Variants in DSCAM observed in about 807,000 individuals in gnomAD.
DSCAM encodes the protein cell adhesion molecule DSCAM.
In DSCAM, 47 loss-of-function variants were observed where a neutral mutation model predicts 217.7. The observed-to-expected ratio is 0.22, with a 90% CI of 0.17 to 0.28. The LOEUF (loss-of-function observed/expected upper bound fraction) is 0.28. Among genes scored for constraint, DSCAM ranks in the 10% least tolerant of loss-of-function variants. The probability of loss-of-function intolerance (pLI) is 1.00; values close to 1 mark genes in which losing one functional copy is unlikely to be tolerated. For missense variants in DSCAM, 2,080 were observed against 2,618.3 expected (o/e 0.79, Z 4.49); for synonymous variants, 1,056 against 1,015.3 (o/e 1.04, Z -0.76).
intron 3 of DSCAM, among the ~76,000 whole-genome samples, chr21:40,691,865 C>T (rs909451840): frequency 1.2e-4 from 18 of 152,236 alleles, no homozygotes; most frequent in African/African-American, 4.3e-4. Context: ...TAACCAACCT[C>T]TCTAGCTAAT....
At chr21:40,804,530 C>G (rs188671931) in intron 1 of DSCAM, among the ~76,000 whole-genome samples, 1 of 152,164 alleles carries the variant, frequency 6.6e-6, no homozygotes, top group Non-Finnish European at 1.5e-5. Flanking sequence ...CCTCCCCGTT[C>G]CCAGCACACC....
chr21:40,288,500 G>T (rs1283868322), intron 10 of DSCAM, among the ~76,000 whole-genome samples: 1 of 152,142 alleles, frequency 6.6e-6, no homozygotes, highest in East Asian at 1.9e-4. Context: ...AAAGTCACAA[G>T]GGGAGTATTG....
intron 1 of DSCAM, among the ~76,000 whole-genome samples, chr21:40,756,907 C>T: frequency 6.6e-6 from 1 of 151,848 alleles, no homozygotes; most frequent in Non-Finnish European, 1.5e-5. Context: ...ATATAACTCC[C>T]AAGTCTGTGC....
At chr21:40,842,312 T>C (rs1354372731) in intron 1 of DSCAM, among the ~76,000 whole-genome samples, 3 of 152,176 alleles carry the variant, frequency 2.0e-5, no homozygotes, top group African/African-American at 7.2e-5. Context: ...TCTGGAGAGG[T>C]GGGCCACGCA....
chr21:40,451,629 A>G (rs940587623), intron 3 of DSCAM, among the ~76,000 whole-genome samples: 6 of 152,222 alleles, frequency 3.9e-5, no homozygotes, highest in Non-Finnish European at 7.3e-5. Context: ...CCAAAGCACA[A>G]CAATGATAGT....
At chr21:40,099,446 G>C (rs1352301203) in intron 20 of DSCAM, among the ~76,000 whole-genome samples, 2 of 152,100 alleles carry the variant, frequency 1.3e-5, no homozygotes, top group Non-Finnish European at 2.9e-5. Context: ...TGGTTATTTG[G>C]GTAAGTTAGT....
rs915769684 is a variant in DSCAM at position 40,828,588 on chromosome 21, C to T, written c.43+18031G>A. Among the ~76,000 whole-genome samples, 6 of 151,980 alleles carry T rather than the reference C, an allele frequency of 3.9e-5. No homozygotes were observed. The South Asian group carries it at 8.3e-4, about 21-fold the overall frequency. On this transcript the variant is annotated intron_variant, in intron 1 of 32. Transcript: ENST00000400454. ...CCATGAGTAGTGGGCTTCGGTCTCCCGTCAGCCTGTGGAATCAGCCAAATA... is the reference window on the plus strand; with the variant it reads ...CCATGAGTAGTGGGCTTCGGTCTCCTGTCAGCCTGTGGAATCAGCCAAATA...
chr21:40,122,643 C>A (rs2090047402), intron 20 of DSCAM, among the ~76,000 whole-genome samples: 1 of 152,066 alleles, frequency 6.6e-6, no homozygotes, highest in Non-Finnish European at 1.5e-5. Context: ...TAGTAGGATT[C>A]AGTAAGTGAG....
chr21:40,110,712 G>C (rs2089886925), intron 20 of DSCAM, among the ~76,000 whole-genome samples: 1 of 152,182 alleles, frequency 6.6e-6, no homozygotes, highest in Non-Finnish European at 1.5e-5. Context: ...ATGCAGAGAA[G>C]TCCTTAAAGG....
chr21:40,594,189 T>C (rs2077004214), intron 3 of DSCAM, among the ~76,000 whole-genome samples: 2 of 152,202 alleles, frequency 1.3e-5, no homozygotes, highest in South Asian at 4.1e-4. Context: ...AAAAGGGTCA[T>C]CCTCTTAAAG....
At chr21:40,484,075 G>T (rs1274441114) in intron 3 of DSCAM, among the ~76,000 whole-genome samples, 1 of 152,204 alleles carries the variant, frequency 6.6e-6, no homozygotes, top group Non-Finnish European at 1.5e-5. Context: ...CAAGGTTCTT[G>T]CTTTCGAGAA....
At chr21:40,598,769 C>T (rs992579681) in intron 3 of DSCAM, among the ~76,000 whole-genome samples, 14 of 152,002 alleles carry the variant, frequency 9.2e-5, no homozygotes, top group Middle Eastern at 3.2e-3. Context: ...TCCCAAAGTG[C>T]TGGGATTACA....
chr21:40,432,831 G>A (rs1200600593), intron 3 of DSCAM, among the ~76,000 whole-genome samples: 1 of 152,156 alleles, frequency 6.6e-6, no homozygotes, highest in Non-Finnish European at 1.5e-5. Flanking sequence ...GAGGCCCAGA[G>A]GGTGAAGTCA....
intron 11 of DSCAM, among the ~76,000 whole-genome samples, chr21:40,243,797 C>T (rs894351354): frequency 6.6e-5 from 10 of 152,174 alleles, no homozygotes; most frequent in Non-Finnish European, 1.0e-4. Context: ...GAATGGAACA[C>T]CCTTGCCAGC....
chr21:40,756,733 T>C (rs1033945203), intron 1 of DSCAM, among the ~76,000 whole-genome samples: 5 of 152,160 alleles, frequency 3.3e-5, no homozygotes, highest in African/African-American at 1.2e-4. Flanking sequence ...ACAAATACAC[T>C]GTACTAAACA....
intron 1 of DSCAM, among the ~76,000 whole-genome samples, chr21:40,748,565 G>T (rs377193525): frequency 3.3e-5 from 5 of 151,760 alleles, no homozygotes; most frequent in Admixed American, 6.6e-5. Context: ...ACTATAAAAC[G>T]CCAATGAAAG....
chr21:40,791,499 A>G (rs1429115814), intron 1 of DSCAM, among the ~76,000 whole-genome samples: 1 of 151,766 alleles, frequency 6.6e-6, no homozygotes, highest in African/African-American at 2.4e-5. Flanking sequence ...CTAAAAATAC[A>G]AAAAAATTAG....
In DSCAM at chr21:40,674,045, G is replaced by T. The variant is rs555092758; in HGVS notation, c.508+18765C>A. 3.7e-4 allele frequency among the ~76,000 whole-genome samples: 56 copies of T among 152,300 alleles called. 2 individuals carry two copies. The South Asian group carries it at 0.012, about 32-fold the overall frequency. On this transcript the variant is annotated intron_variant, in intron 3 of 32. Transcript: ENST00000400454. The stretch of plus-strand genomic sequence containing the variant: ...TGGCCACAATCACTTTGACATTCGT[G>T]CTGCATGGAACTGGGTTGCTATTGC...
intron 10 of DSCAM, among the ~76,000 whole-genome samples, chr21:40,291,156 T>C (rs1385187756): frequency 6.6e-6 from 1 of 152,162 alleles, no homozygotes; most frequent in Non-Finnish European, 1.5e-5. Flanking sequence ...AGTATGTCCA[T>C]CACTCAAAGA....
Sources: gnomAD v4.1 joint callset for allele counts (sites outside exome capture counted in the v4.1 genomes callset) on GRCh38, gnomAD v4.1.1 for gene constraint, MANE v1.5 for transcripts, NCBI Gene and HGNC (gene_info 2026-07-23, HGNC 2026-07-21) for gene names.